The following PUF60 variants were observed in gnomAD, a reference collection of about 807,000 sequenced individuals.
PUF60 encodes the protein poly(U) binding splicing factor 60.
In PUF60, 10 loss-of-function variants were observed where a neutral mutation model predicts 61.8. The observed-to-expected ratio is 0.16, with a 90% confidence interval of 0.10 to 0.27. The LOEUF (loss-of-function observed/expected upper bound fraction) is 0.27. PUF60 is among the 10% of genes least tolerant of loss of function. The pLI is 1.00. For missense variants in PUF60, 371 were observed against 754.0 expected, an observed-to-expected ratio of 0.49 and a Z score of 5.95; for synonymous variants, 353 against 300.9, an observed-to-expected ratio of 1.17 and a Z score of -1.79.
At position 143,816,995 on chromosome 8, in the gene PUF60, T is replaced by C; in HGVS notation, c.1295A>G (p.Glu432Gly). The change falls in exon 11 of 12, where the codon GAG becomes GGG. Residue 432 changes from glutamate (E) to glycine (G), a missense_variant. By Grantham distance (98) the Glu-to-Gly change is moderately conservative. This residue lies in a region of PUF60 where 68 missense variants were observed against 69.4 expected (regional missense o/e 0.98). Transcript: ENST00000526683. ...CATGTGCTCCTGCTCGCTCAGCATC[T>C]CTGGCCGCTCTGACTCGGGAAACAG... ...EELFPESERP[E>G]MLSEQEHMSI... 1 of 1,606,544 alleles carries C rather than the reference T, an allele frequency of 6.2e-7. No individual in the cohort carries two copies. Among genetic ancestry groups the C allele is most frequent in the Non-Finnish European group, 8.5e-7 (1 of 1,176,772 alleles).
intron 2 of PUF60, 41 bp downstream of exon 2, chr8:143,824,272 A>C (rs60749324): frequency 3.4e-6 from 5 of 1,475,252 alleles, no homozygotes; most frequent in Admixed American, 2.0e-5. Flanking sequence ...GCGGGCGGGC[A>C]GGCGGGCGGG....
intron 2 of PUF60, among the ~76,000 whole-genome samples, chr8:143,823,954 G>C (rs1264756382): frequency 6.6e-6 from 1 of 152,290 alleles, no homozygotes. Flanking sequence ...AGCACTGCGA[G>C]TTCTGGGAAG....
At chr8:143,828,774 C>G (rs1817948534) in intron 1 of PUF60, among the ~76,000 whole-genome samples, 1 of 152,228 alleles carries the variant, frequency 6.6e-6, no homozygotes, top group Admixed American at 6.5e-5. Context: ...AGATCCCTCT[C>G]CAGCACCGGA....
intron 5 of PUF60, among the ~76,000 whole-genome samples, chr8:143,819,987 G>T (rs981480278): frequency 2.6e-5 from 4 of 152,204 alleles, no homozygotes; most frequent in African/African-American, 9.7e-5. Context: ...CCAGAGAAGG[G>T]TCCACATCTT....
At chr8:143,824,256 G>T in intron 2 of PUF60, 57 bp downstream of exon 2, 1 of 1,398,244 alleles carries the variant, frequency 7.2e-7, no homozygotes, top group South Asian at 1.3e-5. Flanking sequence ...ACAGGCAGGC[G>T]GGCGGGCGGG....
intron 2 of PUF60, among the ~76,000 whole-genome samples, chr8:143,823,989 G>A (rs971361101): frequency 3.3e-5 from 5 of 152,256 alleles, no homozygotes; most frequent in East Asian, 1.9e-4. Flanking sequence ...CCTGCAAGAC[G>A]CTCATGCCTA....
Position 143,824,385 on chromosome 8 carries a change from C to T in PUF60, c.39G>A (p.Gln13=). Residue 13 remains glutamine (Q), a synonymous_variant, in exon 2 of 12, where the codon CAG becomes CAA. Transcript: ENST00000526683. The part of the protein sequence containing the change: ...TATIALQVNG[Q]QGGGSEPAAA... ...CCGCCGGCTCGGACCCCCCTCCTTG[C>T]TGGCCATTGACCTGCTGCAGGCAGG... The T allele has an allele frequency of 6.2e-7, 1 of 1,612,210 alleles. No homozygotes were observed. Among genetic ancestry groups the T allele is most frequent in the Non-Finnish European group, 8.5e-7 (1 of 1,179,774 alleles).
intron 1 of PUF60, chr8:143,824,818 G>GC (rs747029776): frequency 5.4e-5 from 11 of 205,204 alleles, no homozygotes; most frequent in Non-Finnish European, 8.0e-5. Context: ...CCACAACTCA[G>GC]CCCCAGCTCC....
intron 1 of PUF60, chr8:143,827,031 C>A (rs941374656): frequency 1.1e-5 from 3 of 283,288 alleles, no homozygotes; most frequent in African/African-American, 6.9e-5. Flanking sequence ...CTGCTTACTG[C>A]GTGCCCAGGC....
rs371298396 is a variant in PUF60 at position 143,824,183 on chromosome 8, A to G, written c.111+130T>C. The G allele has an allele frequency of 5.1e-5, 46 of 907,486 alleles. No individual in the cohort carries two copies. The African/African-American group carries it at 7.4e-4, about 15-fold the overall frequency. 56.2% of individuals were successfully genotyped at this position (907,486 alleles called of 1,614,324 possible). Reference sequence around the variant, plus strand: ...CGGGCAGTTGTCTGCCCAGAGGCAGAGAAGGGTTCCCGAGGTTCCTCCCGC... The same window carrying G: ...CGGGCAGTTGTCTGCCCAGAGGCAGGGAAGGGTTCCCGAGGTTCCTCCCGC... On this transcript the variant is annotated intron_variant, in intron 2 of 11. Coordinates refer to ENST00000526683, the MANE Select transcript of PUF60 (RefSeq NM_078480.3).
At chr8:143,829,188 G>A (rs896776682) in intron 1 of PUF60, 92 bp downstream of exon 1, 41 of 1,228,286 alleles carry the variant, frequency 3.3e-5, no homozygotes, top group Non-Finnish European at 4.1e-5. Flanking sequence ...GAAGACCGCC[G>A]CGTTCTTGGG....
Position 143,817,110 on chromosome 8 carries a change from T to C in PUF60, c.1180A>G (p.Ile394Val). 1 of 1,610,266 alleles carries C rather than the reference T, an allele frequency of 6.2e-7. No homozygotes were observed. The stretch of plus-strand genomic sequence containing the variant: ...GGGTTCACCACTCCCACCGAGGGGA[T>C]GGTGACCGGGATAGGAGGACGGGCT... ...TPARPPIPVT[I>V]PSVGVVNPIL... The change falls in exon 11 of 12, where the codon ATC becomes GTC. Residue 394 changes from isoleucine (I) to valine (V), a missense_variant. Physicochemically the swap from Ile to Val is conservative, Grantham distance 29. Coordinates refer to ENST00000526683, the MANE Select transcript of PUF60 (RefSeq NM_078480.3). This position sits in a 1 kb window ranked among gnomAD's most constrained non-coding sequence, Gnocchi z 7.4.
At chr8:143,826,621 G>GCTAC (rs1157742312) in intron 1 of PUF60, among the ~76,000 whole-genome samples, 2 of 152,096 alleles carry the variant, frequency 1.3e-5, no homozygotes, top group East Asian at 3.9e-4. Flanking sequence ...AGGCTGAGGT[G>GCTAC]CTACCATGAA....
intron 4 of PUF60, 62 bp from the exon 5 acceptor site, chr8:143,820,778 A>G: frequency 6.7e-7 from 1 of 1,490,716 alleles, no homozygotes; most frequent in East Asian, 2.3e-5. Flanking sequence ...GCTCTCGTCA[A>G]CACCTCACGC....
intron 5 of PUF60, among the ~76,000 whole-genome samples, chr8:143,819,564 C>T (rs187330735): frequency 1.6e-4 from 24 of 152,308 alleles, no homozygotes; most frequent in African/African-American, 5.5e-4. Context: ...CTCCCCATCC[C>T]GTGGAGAGGG....
At position 143,818,283 on chromosome 8, in the gene PUF60, G is replaced by A. The variant is rs368000104; in HGVS notation, c.513C>T (p.Gly171=). ...SWDSVTMKHK[G]FAFVEYEVPE... is the part of the protein sequence containing the mutation. ...GGACCTCATACTCCACGAAGGCAAA[G>A]CCCTAGACACAGGGACACACCTGTC... The change falls in exon 7 of 12, where the codon GGC becomes GGT. Residue 171 remains glycine, a splice_region_variant and synonymous_variant. Transcript: ENST00000526683. This position sits in a 1 kb window ranked among gnomAD's most constrained non-coding sequence, Gnocchi z 7.9. 3.1e-6 allele frequency: 5 copies of A among 1,608,498 alleles called. No homozygotes were observed. In the South Asian group the frequency reaches 3.3e-5, roughly 11 times the overall value.
Position 143,816,499 on chromosome 8 carries a change from G to A in PUF60, c.*21C>T, listed in dbSNP as rs901563761. The stretch of plus-strand genomic sequence containing the variant: ...CAGAGGAAACAAGGAACAAGTGCAA[G>A]TCCGGGGAGAGGGACCACTGTCACG... On this transcript the variant is annotated 3_prime_UTR_variant, in exon 12 of 12. Transcript: ENST00000526683. 6.3e-7 allele frequency: 1 copy of A among 1,591,326 alleles called. No individual in the cohort carries two copies. Among genetic ancestry groups the A allele is most frequent in the African/African-American group, 1.3e-5 (1 of 74,332 alleles).
rs1817378870 is a variant in PUF60, at chr8:143,824,260, G to GGCA, written c.111+52_111+53insTGC. On this transcript the variant is annotated intron_variant, in intron 2 of 11. Coordinates refer to ENST00000526683, the MANE Select transcript of PUF60 (RefSeq NM_078480.3). ...CCCAGGGACGCACAGGCAGGCGGGC[G>GGCA]GGCGGGCGGGCAGGCGGGCGGGCCT... The GGCA allele has an allele frequency of 4.7e-6, 7 of 1,497,470 alleles. No homozygotes were observed. The East Asian group carries it at 1.8e-4, about 39-fold the overall frequency. 92.8% of individuals were successfully genotyped at this position (1,497,470 alleles called of 1,614,324 possible).
At chr8:143,828,596 G>T (rs1030997673) in intron 1 of PUF60, among the ~76,000 whole-genome samples, 1 of 152,154 alleles carries the variant, frequency 6.6e-6, no homozygotes, top group Admixed American at 6.5e-5. Flanking sequence ...TGGCACCCTG[G>T]GTGGGAACTG....
Sources: gnomAD v4.1 joint callset for allele counts (sites outside exome capture counted in the v4.1 genomes callset) on GRCh38, gnomAD v4.1.1 for gene constraint, gnomAD v4.1.1 regional missense constraint, Gnocchi (gnomAD v3.1) non-coding constraint, MANE v1.5 for transcripts, NCBI Gene and HGNC (gene_info 2026-07-23, HGNC 2026-07-21) for gene names.